The following BRPF1 variants were observed in gnomAD, a reference collection of about 807,000 sequenced individuals.
BRPF1 encodes bromodomain and PHD finger containing 1.
In BRPF1, 15 loss-of-function variants were observed where a neutral mutation model predicts 115.0. The observed-to-expected ratio is 0.13, with a 90% CI of 0.09 to 0.20. BRPF1 has a LOEUF of 0.20. BRPF1 is among the 10% of genes least tolerant of loss of function. The pLI, the probability that BRPF1 is intolerant of heterozygous loss-of-function variation, is 1.00. For missense variants in BRPF1, 1,118 were observed against 1,638.3 expected, an observed-to-expected ratio of 0.68 and a Z score of 5.48; for synonymous variants, 647 against 619.8, an observed-to-expected ratio of 1.04 and a Z score of -0.65.
At position 9,743,679 on chromosome 3, in the gene BRPF1, A is replaced by G. The variant is rs2077070846; in HGVS notation, c.2413A>G (p.Ser805Gly). The G allele has an allele frequency of 1.9e-6, 3 of 1,614,192 alleles. No homozygotes were observed. The highest frequency in any genetic ancestry group is 2.5e-6 in the Non-Finnish European group (3 of 1,180,034). The change falls in exon 8 of 14, where the codon AGC (serine) becomes GGC (glycine). Residue 805 changes from serine to glycine, a missense_variant. Ser to Gly is a moderately conservative substitution (Grantham distance 56). Coordinates refer to ENST00000383829, the MANE Select transcript of BRPF1 (RefSeq NM_001003694.2). The surrounding 1 kb of genome is among the most constrained non-coding windows in gnomAD (Gnocchi z 6.1). ...LLERLDEVNA[S>G]KQSVGRSRRA... ...GGAGCGGCTGGACGAAGTGAATGCC[A>G]GCAAGCAGAGTGTGGGCCGCTCACG...
rs944083214 is a variant in BRPF1 at position 9,734,991 on chromosome 3, G to A, written c.599+252G>A. 6.7e-6 allele frequency among the ~76,000 whole-genome samples: 1 copy of A among 150,212 alleles called. No individual in the cohort carries two copies. Among genetic ancestry groups the A allele is most frequent in the African/African-American group, 2.5e-5 (1 of 40,790 alleles). On this transcript the variant is annotated intron_variant, in intron 2 of 13. Transcript: ENST00000383829. This position sits in a 1 kb window ranked among gnomAD's most constrained non-coding sequence, Gnocchi z 5.7. ...CTCATTTCACAGATGAGGAAACTAT[G>A]GTCAAGAAAGGGTGCCAGATTTATC...
Position 9,745,377 on chromosome 3 carries a change from C to T in BRPF1, c.3069-196C>T, listed in dbSNP as rs2077105593. On this transcript the variant is annotated intron_variant, in intron 10 of 13. Transcript: ENST00000383829. The surrounding 1 kb of genome is among the most constrained non-coding windows in gnomAD (Gnocchi z 5.1). ...TGATGATTAGAGTATGCACTCCTGC[C>T]GCCACTGCTCAGGCTAACCCACCTC... Among the ~76,000 whole-genome samples the T allele has an allele frequency of 6.6e-6, 1 of 152,240 alleles. No homozygotes were observed. Among genetic ancestry groups the T allele is most frequent in the East Asian group, 1.9e-4 (1 of 5,202 alleles).
rs1351344360 is a variant in BRPF1 at position 9,745,193 on chromosome 3, GC to G, written c.3068+41del. The stretch of plus-strand genomic sequence containing the variant: ...CAGATCGAGGCCAACCTCAGGGGAT[GC>G]CCTTCCAGGGCTCTTGGGCCTGTGT... On this transcript the variant is annotated intron_variant, in intron 10 of 13. Transcript: ENST00000383829. This position sits in a 1 kb window ranked among gnomAD's most constrained non-coding sequence, Gnocchi z 5.1. 1.2e-6 allele frequency: 2 copies of G among 1,603,340 alleles called. No homozygotes were observed. The highest frequency in any genetic ancestry group is 1.7e-6 in the Non-Finnish European group (2 of 1,175,566).
chr3:9,745,790 C>T lies in BRPF1; in HGVS notation c.3206-22C>T, dbSNP rs770139893. On this transcript the variant is annotated intron_variant, in intron 11 of 13. Transcript: ENST00000383829. This position sits in a 1 kb window ranked among gnomAD's most constrained non-coding sequence, Gnocchi z 5.1. ...CAGCCCCCCAGCTGCTGATCCACCC[C>T]CTCTCCCCCATTCCTGTGAAGTGGT... The T allele has an allele frequency of 7.4e-6, 12 of 1,612,338 alleles. No individual in the cohort carries two copies. Among genetic ancestry groups the T allele is most frequent in the East Asian group, 2.2e-5 (1 of 44,830 alleles).
chr3:9,734,719 C>T lies in BRPF1; in HGVS notation c.579C>T (p.Pro193=). ...AACAGGACACCCCTGATGCCCCACCCCGGCCAACTTCCTATTACCGGTAAG... is the reference window on the plus strand; with the variant it reads ...AACAGGACACCCCTGATGCCCCACCTCGGCCAACTTCCTATTACCGGTAAG... ...ELEQDTPDAP[P]RPTSYYRYIE... The change falls in exon 2 of 14, where the codon CCC becomes CCT. Residue 193 remains proline (P), a synonymous_variant. Coordinates refer to ENST00000383829, the MANE Select transcript of BRPF1 (RefSeq NM_001003694.2). This position sits in a 1 kb window ranked among gnomAD's most constrained non-coding sequence, Gnocchi z 5.7. 1 of 1,614,088 alleles carries T rather than the reference C, an allele frequency of 6.2e-7. No individual in the cohort carries two copies. Among genetic ancestry groups the T allele is most frequent in the Non-Finnish European group, 8.5e-7 (1 of 1,179,984 alleles).
At position 9,735,731 on chromosome 3, in the gene BRPF1, T is replaced by C. The variant is rs539936021; in HGVS notation, c.599+992T>C. Reference sequence around the variant, plus strand: ...TTGTCATTTAATTGTTTCTTTAACATGAGGTAAAAGATGAAGGGATATGGG... The same window carrying C: ...TTGTCATTTAATTGTTTCTTTAACACGAGGTAAAAGATGAAGGGATATGGG... On this transcript the variant is annotated intron_variant, in intron 2 of 13. Coordinates refer to ENST00000383829, the MANE Select transcript of BRPF1 (RefSeq NM_001003694.2). 1.6e-3 allele frequency among the ~76,000 whole-genome samples: 247 copies of C among 152,258 alleles called. 1 individual carries two copies. The highest frequency in any genetic ancestry group is 5.8e-3 in the African/African-American group (239 of 41,538).
In BRPF1 at chr3:9,739,005, C is replaced by G. The variant is rs1441512600; in HGVS notation, c.606C>G (p.Ile202Met). The G allele has an allele frequency of 1.3e-6, 2 of 1,562,330 alleles. No homozygotes were observed. Among genetic ancestry groups the G allele is most frequent in the South Asian group, 1.2e-5 (1 of 83,496 alleles). The change falls in exon 3 of 14, where the codon ATC (isoleucine) becomes ATG (methionine). Residue 202 changes from isoleucine (I) to methionine (M), a missense_variant. Around this residue, in one of 10 missense-constraint regions of BRPF1, gnomAD observed 280 missense variants for 382.8 expected, o/e 0.73. Transcript: ENST00000383829. ...TTCCCTGTTTGTACCGTAGGTACAT[C>G]GAGAAGTCTGCAGAGGAGCTGGACG... ...PPRPTSYYRY[I>M]EKSAEELDEE...
intron 8 of BRPF1, 76 bp from the exon 9 acceptor site, chr3:9,744,148 A>C (rs2077081463): frequency 1.4e-6 from 2 of 1,466,972 alleles, no homozygotes; most frequent in Non-Finnish European, 1.8e-6. Context: ...CTATATGCCC[A>C]GGGCATGACC....
At position 9,741,177 on chromosome 3, in the gene BRPF1, G is replaced by C. The variant is rs981164557; in HGVS notation, c.1723-131G>C. ...TTCTGCCAGGCCTTGGGGACACACA[G>C]ATTGAGGCACTACCAATAAATTACT... On this transcript the variant is annotated intron_variant, in intron 4 of 13. Transcript: ENST00000383829. 4.9e-6 allele frequency: 6 copies of C among 1,220,656 alleles called. No homozygotes were observed. In the African/African-American group the frequency reaches 9.1e-5, roughly 18 times the overall value. 75.6% of individuals were successfully genotyped at this position (1,220,656 alleles called of 1,614,324 possible). A position where few individuals can be genotyped will look rare whatever the true frequency, so the allele number is the denominator to read the frequency against.
Position 9,734,194 on chromosome 3 carries a change from G to A in BRPF1, c.54G>A (p.Lys18=). 1 of 1,613,360 alleles carries A rather than the reference G, an allele frequency of 6.2e-7. No individual in the cohort carries two copies. Among genetic ancestry groups the A allele is most frequent in the Non-Finnish European group, 8.5e-7 (1 of 1,179,530 alleles). The change falls in exon 2 of 14, where the codon AAG becomes AAA. Residue 18 remains lysine, a synonymous_variant. Transcript: ENST00000383829. This position sits in a 1 kb window ranked among gnomAD's most constrained non-coding sequence, Gnocchi z 5.7. ...TCTGCCACAACTTGCGGGCGACTAA[G>A]CCACCATACGAGTGCCCGGTGGAGA... is the stretch of plus-strand genomic sequence containing the variant. ...KTFCHNLRAT[K]PPYECPVETC...
Position 9,743,895 on chromosome 3 carries a change from A to C in BRPF1, c.2629A>C (p.Ser877Arg). ...AGAGGAGAGCAGCAGCCAGGAGACA[A>C]GCAAAGGTCTGAATCCCATGGCAAG... is the stretch of plus-strand genomic sequence containing the variant. ...AAEESSSQET[S>R]KGLGPNMSST... The change falls in exon 8 of 14, where the codon AGC (serine) becomes CGC (arginine). Residue 877 changes from serine (S) to arginine (R), a missense_variant. Transcript: ENST00000383829. This position sits in a 1 kb window ranked among gnomAD's most constrained non-coding sequence, Gnocchi z 6.1. The C allele has an allele frequency of 6.4e-7, 1 of 1,568,322 alleles. No individual in the cohort carries two copies. The highest frequency in any genetic ancestry group is 8.7e-7 in the Non-Finnish European group (1 of 1,152,568).
chr3:9,747,767 C>A lies in BRPF1; in HGVS notation c.*418C>A, dbSNP rs994513356. 6.1e-6 allele frequency: 1 copy of A among 162,734 alleles called. No individual in the cohort carries two copies. The highest frequency in any genetic ancestry group is 1.3e-5 in the Non-Finnish European group (1 of 74,640). 10.1% of individuals were successfully genotyped at this position (162,734 alleles called of 1,614,324 possible). A position where few individuals can be genotyped will look rare whatever the true frequency, so the allele number is the denominator to read the frequency against. On this transcript the variant is annotated 3_prime_UTR_variant, in exon 14 of 14. Coordinates refer to ENST00000383829, the MANE Select transcript of BRPF1 (RefSeq NM_001003694.2). The surrounding 1 kb of genome is among the most constrained non-coding windows in gnomAD (Gnocchi z 5.6). ...ATCTGTCCAGCCTGGAAGAGGGGCA[C>A]TAGGTGACTCCCTCCCCTGCTGTTG...
chr3:9,739,760 G>A lies in BRPF1; in HGVS notation c.1361G>A (p.Arg454His), dbSNP rs750373289. 9 of 1,614,182 alleles carry A rather than the reference G, an allele frequency of 5.6e-6. No homozygotes were observed. Among genetic ancestry groups the A allele is most frequent in the Middle Eastern group, 1.6e-4 (1 of 6,062 alleles). The change falls in exon 3 of 14, where the codon CGC becomes CAC. Residue 454 changes from arginine (R) to histidine (H), a missense_variant. Arg to His is a conservative substitution (Grantham distance 29). This residue lies in a region of BRPF1 where 87 missense variants were observed against 93.4 expected (regional missense o/e 0.93). Transcript: ENST00000383829. ...CDIHTPPGSA[R>H]RLPALSHSEG... ...ATCCACACGCCTCCAGGTTCAGCAC[G>A]CCGACTGCCTGCCCTGTCCCACAGC...
rs750514501 is a variant in BRPF1, at chr3:9,739,629, T to C, written c.1230T>C (p.His410=). The change falls in exon 3 of 14, where the codon CAT becomes CAC. Residue 410 remains histidine, a synonymous_variant. Coordinates refer to ENST00000383829, the MANE Select transcript of BRPF1 (RefSeq NM_001003694.2). ...AGGCCAACTGTTACACAGCTTTCCA[T>C]GTGACATGCGCCCAGCAGGCTGGCC... ...CHKANCYTAF[H]VTCAQQAGLY... 6.2e-7 allele frequency: 1 copy of C among 1,609,670 alleles called. No individual in the cohort carries two copies. The highest frequency in any genetic ancestry group is 8.5e-7 in the Non-Finnish European group (1 of 1,176,224).
chr3:9,743,338 T>G lies in BRPF1; in HGVS notation c.2311+85T>G. ...AAAGTCCCCTCCTGGGAGCAGGCAG[T>G]GTAGGCAGAAAGCAGCTAGGCTGAG... On this transcript the variant is annotated intron_variant, in intron 7 of 13. Transcript: ENST00000383829. The surrounding 1 kb of genome is among the most constrained non-coding windows in gnomAD (Gnocchi z 6.1). The G allele has an allele frequency of 6.7e-7, 1 of 1,503,124 alleles. No homozygotes were observed. 93.1% of individuals were successfully genotyped at this position (1,503,124 alleles called of 1,614,324 possible).
In BRPF1 at chr3:9,743,337, G is replaced by A. The variant is rs1248013370; in HGVS notation, c.2311+84G>A. The A allele has an allele frequency of 1.3e-6, 2 of 1,504,362 alleles. No individual in the cohort carries two copies. The highest frequency in any genetic ancestry group is 4.7e-5 in the East Asian group (2 of 42,398). 93.2% of individuals were successfully genotyped at this position (1,504,362 alleles called of 1,614,324 possible). A position where few individuals can be genotyped will look rare whatever the true frequency, so the allele number is the denominator to read the frequency against. On this transcript the variant is annotated intron_variant, in intron 7 of 13. Transcript: ENST00000383829. This position sits in a 1 kb window ranked among gnomAD's most constrained non-coding sequence, Gnocchi z 6.1. Reference sequence around the variant, plus strand: ...AAAAGTCCCCTCCTGGGAGCAGGCAGTGTAGGCAGAAAGCAGCTAGGCTGA... The same window carrying A: ...AAAAGTCCCCTCCTGGGAGCAGGCAATGTAGGCAGAAAGCAGCTAGGCTGA...
intron 6 of BRPF1, 65 bp from the exon 7 acceptor site, chr3:9,742,879 G>A: frequency 6.5e-7 from 1 of 1,533,318 alleles, no homozygotes. Context: ...GGGCTTGTTA[G>A]GAGCAGGGTT....
chr3:9,747,477 T>TG lies in BRPF1; in HGVS notation c.*131dup. The TG allele has an allele frequency of 8.3e-7, 1 of 1,211,876 alleles. No homozygotes were observed. The highest frequency in any genetic ancestry group is 1.5e-5 in the African/African-American group (1 of 66,104). 75.1% of individuals were successfully genotyped at this position (1,211,876 alleles called of 1,614,324 possible). A position where few individuals can be genotyped will look rare whatever the true frequency, so the allele number is the denominator to read the frequency against. ...TCTTGGGGCCAGTCTCAGGGGAAGC[T>TG]GGGTGGGGGAGGTCCCTCCTGCCCT... On this transcript the variant is annotated 3_prime_UTR_variant, in exon 14 of 14. Coordinates refer to ENST00000383829, the MANE Select transcript of BRPF1 (RefSeq NM_001003694.2). This position sits in a 1 kb window ranked among gnomAD's most constrained non-coding sequence, Gnocchi z 5.6.
At position 9,741,319 on chromosome 3, in the gene BRPF1, G is replaced by C. The variant is rs755681081; in HGVS notation, c.1734G>C (p.Glu578Asp). 1.3e-6 allele frequency: 2 copies of C among 1,580,804 alleles called. No individual in the cohort carries two copies. Among genetic ancestry groups the C allele is most frequent in the Non-Finnish European group, 1.7e-6 (2 of 1,159,372 alleles). The change falls in exon 5 of 14, where the codon GAG becomes GAC. Residue 578 changes from glutamate to aspartate, a missense_variant. This residue lies in a region of BRPF1 where 178 missense variants were observed against 303.7 expected (regional missense o/e 0.59). Transcript: ENST00000383829. ...TTTTGCCTCTACAGAGAGATTCTGA[G>C]GATAAGAACTGGGCCCTTAAAGAAC... ...RNCDQVGRDS[E>D]DKNWALKEQL...
Sources: allele counts gnomAD v4.1 joint callset (sites outside exome capture counted in the v4.1 genomes callset), GRCh38; gene constraint gnomAD v4.1.1; regional missense constraint gnomAD v4.1.1; non-coding constraint Gnocchi (gnomAD v3.1); transcripts MANE v1.5; gene names NCBI Gene and HGNC (gene_info 2026-07-23, HGNC 2026-07-21).